The following DAW1 variants were observed in gnomAD, a reference collection of about 807,000 sequenced individuals.
DAW1 encodes dynein assembly factor with WD repeat domains 1.
Under a neutral mutation model 56.5 loss-of-function variants are expected in DAW1, and 47 were observed. The observed-to-expected ratio is 0.83, with a 90% CI of 0.66 to 1.06. DAW1 has a LOEUF of 1.06. Among genes scored for constraint, DAW1 ranks in the 50% least tolerant of loss-of-function variants. The pLI is 0.00. For missense variants in DAW1, 505 were observed against 499.3 expected (o/e 1.01, Z -0.11); for synonymous variants, 190 against 179.0 (o/e 1.06, Z -0.49).
At chr2:227,919,185 G>C (rs1278633734) in intron 11 of DAW1, among the ~76,000 whole-genome samples, 3 of 123,170 alleles carry the variant, frequency 2.4e-5, no homozygotes, top group Non-Finnish European at 4.8e-5. Flanking sequence ...GACAGAGCAA[G>C]ACCCTATCTA....
In DAW1 at chr2:227,924,254, A is replaced by C; in HGVS notation, c.*286A>C. ...TTTAAAAGCATTATGATACTGAAAA[A>C]GGAGACCAGAACAACTTAACAACGT... On this transcript the variant is annotated 3_prime_UTR_variant, in exon 13 of 13. Coordinates refer to ENST00000309931, the MANE Select transcript of DAW1 (RefSeq NM_178821.3). The C allele has an allele frequency of 2.4e-6, 1 of 415,640 alleles. No individual in the cohort carries two copies. Among genetic ancestry groups the C allele is most frequent in the Non-Finnish European group, 4.3e-6 (1 of 230,384 alleles). 25.7% of individuals were successfully genotyped at this position (415,640 alleles called of 1,614,324 possible).
intron 6 of DAW1, among the ~76,000 whole-genome samples, chr2:227,899,423 G>A (rs1559308293): frequency 6.6e-6 from 1 of 152,186 alleles, no homozygotes; most frequent in East Asian, 1.9e-4. Context: ...CAATGCAGTA[G>A]TAGTATAAAA....
At chr2:227,911,698 C>G (rs1691831885) in intron 10 of DAW1, among the ~76,000 whole-genome samples, 1 of 152,090 alleles carries the variant, frequency 6.6e-6, no homozygotes, top group African/African-American at 2.4e-5. Context: ...TTTTCATCCT[C>G]TCCTTGGCAA....
intron 6 of DAW1, among the ~76,000 whole-genome samples, chr2:227,901,995 C>T (rs72963801): frequency 3.4e-4 from 52 of 152,234 alleles, no homozygotes; most frequent in Non-Finnish European, 7.2e-4. Flanking sequence ...CAGGAAGTTC[C>T]TACCTGACAG....
intron 6 of DAW1, among the ~76,000 whole-genome samples, chr2:227,902,701 C>T (rs1444371468): frequency 6.6e-6 from 1 of 152,012 alleles, no homozygotes; most frequent in East Asian, 1.9e-4. Context: ...AGCCATATAG[C>T]ACGGATCTTA....
chr2:227,902,098 G>A (rs1691560047), intron 6 of DAW1, among the ~76,000 whole-genome samples: 1 of 152,114 alleles, frequency 6.6e-6, no homozygotes. Context: ...ACAGGAGAAT[G>A]TATAGAGCCA....
chr2:227,910,000 T>G (rs1326359770), intron 10 of DAW1, among the ~76,000 whole-genome samples: 1 of 152,190 alleles, frequency 6.6e-6, no homozygotes, highest in Non-Finnish European at 1.5e-5. Flanking sequence ...CATATGACAT[T>G]ATACTACATC....
At position 227,917,142 on chromosome 2, in the gene DAW1, A is replaced by ATCTATCTATCTG. The variant is rs1162712241; in HGVS notation, c.974-1635_974-1634insATCTATCTGTCT. 5.0e-3 allele frequency among the ~76,000 whole-genome samples: 691 copies of ATCTATCTATCTG among 138,498 alleles called. 3 individuals are homozygous for ATCTATCTATCTG. Among genetic ancestry groups the ATCTATCTATCTG allele is most frequent in the South Asian group, 0.013 (55 of 4,384 alleles). The allele number at this position is 138,498 out of a possible 152,430, so 90.9% of individuals were successfully genotyped here. A position where few individuals can be genotyped will look rare whatever the true frequency, so the allele number is the denominator to read the frequency against. On this transcript the variant is annotated intron_variant, in intron 10 of 12. Transcript: ENST00000309931. ...TATCTATCTATCTATCTATCTATCT[A>ATCTATCTATCTG]TCTGTCTGTCTGTCTGTCTGTCTGT...
chr2:227,872,691 AC>A (rs959145137), intron 1 of DAW1, among the ~76,000 whole-genome samples: 1 of 65,560 alleles, frequency 1.5e-5, no homozygotes. Context: ...TGCCTCCCCC[AC>A]CCCCCCAACC....
chr2:227,904,469 A>C (rs1691630359), intron 7 of DAW1, among the ~76,000 whole-genome samples: 1 of 152,190 alleles, frequency 6.6e-6, no homozygotes, highest in African/African-American at 2.4e-5. Flanking sequence ...TTTCATGTCA[A>C]GTTATCTTAA....
At chr2:227,874,991 A>ACAAAC (rs554748004) in intron 1 of DAW1, among the ~76,000 whole-genome samples, 43,906 of 128,818 alleles carry the variant, frequency 0.34, 6,629 homozygotes, top group South Asian at 0.44. Context: ...AACAAACAGA[A>ACAAAC]AAACAAAAAA....
At chr2:227,891,226 C>G in intron 3 of DAW1, 29 bp from the exon 4 acceptor site, 1 of 1,600,446 alleles carries the variant, frequency 6.2e-7, no homozygotes, top group Non-Finnish European at 8.5e-7. Context: ...TGGTTTGAGT[C>G]TAAAAAATGG....
At chr2:227,878,014 C>T (rs761443976) in intron 1 of DAW1, among the ~76,000 whole-genome samples, 3 of 152,208 alleles carry the variant, frequency 2.0e-5, no homozygotes, top group Non-Finnish European at 4.4e-5. Context: ...TTGAAGACTT[C>T]GAACCTTTTT....
chr2:227,875,270 T>C (rs1410430420), intron 1 of DAW1, among the ~76,000 whole-genome samples: 1 of 152,220 alleles, frequency 6.6e-6, no homozygotes, highest in Non-Finnish European at 1.5e-5. Flanking sequence ...CCATTCTTTT[T>C]AGCTTGAAAG....
chr2:227,886,009 T>C (rs2106191281), intron 2 of DAW1, among the ~76,000 whole-genome samples: 1 of 149,274 alleles, frequency 6.7e-6, no homozygotes, highest in African/African-American at 2.5e-5. Context: ...AGTTTCACTC[T>C]TGTTGCCCAG....
chr2:227,887,445 A>G (rs1290016692), intron 2 of DAW1, among the ~76,000 whole-genome samples: 3 of 152,192 alleles, frequency 2.0e-5, no homozygotes, highest in Non-Finnish European at 4.4e-5. Flanking sequence ...TAGATTCTAT[A>G]AGAGGCTATA....
At chr2:227,906,430 A>G (rs1691684568) in intron 9 of DAW1, 92 bp downstream of exon 9, 1 of 847,264 alleles carries the variant, frequency 1.2e-6, no homozygotes, top group Non-Finnish European at 1.7e-6. Context: ...GATTTCAAAG[A>G]TGATATAAAA....
intron 1 of DAW1, among the ~76,000 whole-genome samples, chr2:227,875,849 A>G (rs1690865859): frequency 6.6e-6 from 1 of 152,178 alleles, no homozygotes; most frequent in South Asian, 2.1e-4. Flanking sequence ...CCTTATCTCT[A>G]GCACCCAGAG....
intron 4 of DAW1, among the ~76,000 whole-genome samples, chr2:227,892,307 T>C (rs536723634): frequency 6.6e-6 from 1 of 152,118 alleles, no homozygotes; most frequent in Admixed American, 6.5e-5. Flanking sequence ...TAATTTTTTG[T>C]ATTTTTAGCA....
Sources: gnomAD v4.1 joint callset for allele counts (sites outside exome capture counted in the v4.1 genomes callset) on GRCh38, gnomAD v4.1.1 for gene constraint, MANE v1.5 for transcripts, NCBI Gene and HGNC (gene_info 2026-07-23, HGNC 2026-07-21) for gene names.